The following PARP4 variants were observed in gnomAD, a reference collection of about 807,000 sequenced individuals.
PARP4 encodes protein mono-ADP-ribosyltransferase PARP4.
In PARP4, 120 loss-of-function variants were observed where a neutral mutation model predicts 187.7. The ratio of observed to expected loss-of-function variants is 0.64; its 90% CI spans 0.55 to 0.74. PARP4 has a LOEUF of 0.74. PARP4 is among the 30% of genes least tolerant of loss of function. The pLI is 0.00. For synonymous variants in PARP4, 654 were observed against 740.9 expected (o/e 0.88, Z 1.90); for missense variants, 1,836 against 2,070.5 (o/e 0.89, Z 2.20).
At chr13:24,479,937 C>A (rs7993126) in intron 12 of PARP4, among the ~76,000 whole-genome samples, 43,534 of 151,894 alleles carry the variant, frequency 0.29, 7,084 homozygotes, top group South Asian at 0.46. Flanking sequence ...CACGAGCCCA[C>A]CGGGAGGAAC....
Position 24,494,527 on chromosome 13 carries a change from T to C in PARP4, c.741+46A>G, listed in dbSNP as rs779196271. The C allele has an allele frequency of 1.1e-4, 171 of 1,515,928 alleles. 1 individual carries two copies. The Middle Eastern group carries it at 1.1e-3, about 10-fold the overall frequency. 93.9% of individuals were successfully genotyped at this position (1,515,928 alleles called of 1,614,324 possible). A position where few individuals can be genotyped will look rare whatever the true frequency, so the allele number is the denominator to read the frequency against. On this transcript the variant is annotated intron_variant, in intron 7 of 33. Coordinates refer to ENST00000381989, the MANE Select transcript of PARP4 (RefSeq NM_006437.4). ...ATTTGTAATAGAGAAAACATTTCTA[T>C]TAAAAATATTCAATCAACAACAAAA...
In PARP4 at chr13:24,449,833, A is replaced by G. The variant is rs182383722; in HGVS notation, c.3015-16T>C. On this transcript the variant is annotated splice_polypyrimidine_tract_variant and intron_variant, in intron 24 of 33. Coordinates refer to ENST00000381989, the MANE Select transcript of PARP4 (RefSeq NM_006437.4). ...TGCTGTAGAACTGATCACATTTCAC[A>G]TGTTTTAATTTTGAAGACATTAGAA... The G allele has an allele frequency of 2.4e-4, 361 of 1,483,700 alleles. No homozygotes were observed. In the African/African-American group the frequency reaches 4.7e-3, roughly 19 times the overall value. The allele number at this position is 1,483,700 out of a possible 1,614,324, so 91.9% of individuals were successfully genotyped here. A position where few individuals can be genotyped will look rare whatever the true frequency, so the allele number is the denominator to read the frequency against.
intron 33 of PARP4, among the ~76,000 whole-genome samples, chr13:24,422,944 C>A (rs951445194): frequency 6.6e-6 from 1 of 152,098 alleles, no homozygotes; most frequent in African/African-American, 2.4e-5. Context: ...TGCCAACAAA[C>A]CATTTTGCTA....
intron 17 of PARP4, among the ~76,000 whole-genome samples, chr13:24,461,693 G>GCAGGA (rs1872224593): frequency 6.6e-6 from 1 of 152,206 alleles, no homozygotes; most frequent in Admixed American, 6.5e-5. Flanking sequence ...ACCTCTCCGT[G>GCAGGA]GAGCAGGTGT....
rs1406352111 is a variant in PARP4, at chr13:24,459,910, G to A, written c.2298+62C>T. 5 of 1,426,290 alleles carry A rather than the reference G, an allele frequency of 3.5e-6. No individual in the cohort carries two copies. In the South Asian group the frequency reaches 3.8e-5, roughly 11 times the overall value. The allele number at this position is 1,426,290 out of a possible 1,614,324, so 88.4% of individuals were successfully genotyped here. ...CTCCCCAGGCATAAATTCCTCCACA[G>A]CCCTCCACCACTCCCCCTCCACTGC... is the stretch of plus-strand genomic sequence containing the variant. On this transcript the variant is annotated intron_variant, in intron 18 of 33. Coordinates refer to ENST00000381989, the MANE Select transcript of PARP4 (RefSeq NM_006437.4).
intron 17 of PARP4, among the ~76,000 whole-genome samples, chr13:24,463,133 G>A (rs1464581939): frequency 6.6e-6 from 1 of 151,990 alleles, no homozygotes; most frequent in African/African-American, 2.4e-5. Context: ...AAGATAGCTT[G>A]ACAAAAAAAG....
chr13:24,460,265 A>C, intron 17 of PARP4, 129 bp from the exon 18 acceptor site: 2 of 760,126 alleles, frequency 2.6e-6, no homozygotes, highest in Non-Finnish European at 4.3e-6. Flanking sequence ...ACAGTAATAA[A>C]ACCTAAAAGA....
intron 15 of PARP4, among the ~76,000 whole-genome samples, chr13:24,473,591 A>G (rs1872830896): frequency 6.6e-6 from 1 of 152,058 alleles, no homozygotes. Context: ...ACTCCCACAC[A>G]TGCTGTTGTT....
intron 30 of PARP4, among the ~76,000 whole-genome samples, chr13:24,441,167 C>T (rs1310829205): frequency 6.6e-6 from 1 of 152,114 alleles, no homozygotes; most frequent in Non-Finnish European, 1.5e-5. Context: ...CCACTGTGCC[C>T]GCCCTAAAAG....
intron 15 of PARP4, among the ~76,000 whole-genome samples, chr13:24,473,823 C>A (rs149982053): frequency 6.6e-6 from 1 of 152,050 alleles, no homozygotes; most frequent in Non-Finnish European, 1.5e-5. Context: ...GACCCACCAG[C>A]CTCCCCTCCC....
intron 12 of PARP4, among the ~76,000 whole-genome samples, chr13:24,482,576 A>G (rs1873334129): frequency 6.6e-6 from 1 of 152,236 alleles, no homozygotes; most frequent in African/African-American, 2.4e-5. Flanking sequence ...ACCGGCAAAA[A>G]GACAATGGCT....
intron 24 of PARP4, among the ~76,000 whole-genome samples, chr13:24,450,200 G>A (rs1254630353): frequency 6.6e-6 from 1 of 152,008 alleles, no homozygotes; most frequent in Non-Finnish European, 1.5e-5. Flanking sequence ...GCCTAGAGCT[G>A]GCAAAGAGTG....
rs1310488511 is a variant in PARP4 at position 24,447,041 on chromosome 13, T to C, written c.3260A>G (p.Tyr1087Cys). The C allele has an allele frequency of 2.5e-6, 4 of 1,600,286 alleles. No individual in the cohort carries two copies. Among genetic ancestry groups the C allele is most frequent in the Admixed American group, 1.8e-5 (1 of 55,702 alleles). ...SLFLNDRLLV[Y>C]GFIPHCTQAT... The stretch of plus-strand genomic sequence containing the variant: ...CTGTGTGCAGTGAGGAATGAATCCA[T>C]AGACAAGGAGTCGATCATTGAGAAA... Residue 1087 changes from tyrosine to cysteine, a missense_variant, in exon 26 of 34, where the codon TAT becomes TGT. Tyr to Cys is a radical substitution (Grantham distance 194). Transcript: ENST00000381989.
In PARP4 at chr13:24,448,777, T is replaced by C. The variant is rs137932003; in HGVS notation, c.3114+941A>G. ...GTGGTCCATCCATGCAATGGAATAT[T>C]ATTTAGCTTTAAAAAGAAGGGAAAT... On this transcript the variant is annotated intron_variant, in intron 25 of 33. Coordinates refer to ENST00000381989, the MANE Select transcript of PARP4 (RefSeq NM_006437.4). Among the ~76,000 whole-genome samples the C allele has an allele frequency of 8.5e-4, 130 of 152,318 alleles. 1 individual carries two copies. The East Asian group carries it at 0.024, about 28-fold the overall frequency.
At chr13:24,454,994 G>A (rs780259236) in intron 22 of PARP4, 23 bp downstream of exon 22, 1 of 1,543,460 alleles carries the variant, frequency 6.5e-7, no homozygotes, top group Non-Finnish European at 8.8e-7. Flanking sequence ...GCACACGCAG[G>A]ACCAGGGCCA....
At chr13:24,421,517 C>T (rs1358208693) in intron 33 of PARP4, among the ~76,000 whole-genome samples, 1 of 152,278 alleles carries the variant, frequency 6.6e-6, no homozygotes, top group Non-Finnish European at 1.5e-5. Flanking sequence ...GTGCCCTGTG[C>T]CCGCCACCTC....
At chr13:24,425,569 G>GTGTGTATCTATATC (rs1491353761) in intron 33 of PARP4, among the ~76,000 whole-genome samples, 2 of 136,732 alleles carry the variant, frequency 1.5e-5, no homozygotes, top group African/African-American at 5.6e-5. Flanking sequence ...GTGTGTGTGT[G>GTGTGTATCTATATC]TATATCTATA....
intron 17 of PARP4, among the ~76,000 whole-genome samples, chr13:24,461,102 G>A (rs753805639): frequency 3.3e-5 from 5 of 152,116 alleles, no homozygotes; most frequent in East Asian, 1.9e-4. Context: ...TGATAACTAT[G>A]CAGAGATCCT....
Position 24,492,477 on chromosome 13 carries a change from T to C in PARP4, c.997A>G (p.Thr333Ala). The change falls in exon 9 of 34, where the codon ACA becomes GCA. Residue 333 changes from threonine to alanine, a missense_variant. Coordinates refer to ENST00000381989, the MANE Select transcript of PARP4 (RefSeq NM_006437.4). ...EFYRLIPHKG[T>A]MPKEVNLGLL... ...CCCAGGTTCACTTCTTTGGGCATTG[T>C]GCCTTTGTGAGGTATCAGTCTGTAA... 3.1e-6 allele frequency: 5 copies of C among 1,614,124 alleles called. No individual in the cohort carries two copies. In the South Asian group the frequency reaches 3.3e-5, roughly 11 times the overall value.
Sources: gnomAD v4.1 joint callset for allele counts (sites outside exome capture counted in the v4.1 genomes callset) on GRCh38, gnomAD v4.1.1 for gene constraint, MANE v1.5 for transcripts, NCBI Gene and HGNC (gene_info 2026-07-23, HGNC 2026-07-21) for gene names.